Variants in YJU2B observed in about 807,000 individuals in gnomAD.
YJU2B encodes the protein probable splicing factor YJU2B.
Under a neutral mutation model 38.0 loss-of-function variants are expected in YJU2B, and 18 were observed. That is an observed-to-expected ratio of 0.47 (90% CI 0.33 to 0.70). The LOEUF (loss-of-function observed/expected upper bound fraction) is 0.70, where lower values mean the gene tolerates loss of function less well. Among genes scored for constraint, YJU2B ranks in the 30% least tolerant of loss-of-function variants. YJU2B has a pLI of 0.02. For missense variants in YJU2B, 538 were observed against 556.3 expected (o/e 0.97, Z 0.33); for synonymous variants, 246 against 225.4 (o/e 1.09, Z -0.82).
At chr19:13,743,948 C>G (rs968139368), upstream of YJU2B, among the ~76,000 whole-genome samples, 2 of 151,966 alleles carry the variant, frequency 1.3e-5, no homozygotes, top group African/African-American at 4.8e-5. Flanking sequence ...AATCCCAACA[C>G]TTTGGGAGGC....
chr19:13,763,265 C>G lies in YJU2B; in HGVS notation c.*197C>G, dbSNP rs1207277795. The stretch of plus-strand genomic sequence containing the variant: ...GAGGGTGTTTGTGCCTTGTGAGACT[C>G]CGTACATTAAAGACCTGTCTCTTCT... On this transcript the variant is annotated 3_prime_UTR_variant, in exon 10 of 10. Coordinates refer to ENST00000221554, the MANE Select transcript of YJU2B (RefSeq NM_030818.4). 7 of 538,914 alleles carry G rather than the reference C, an allele frequency of 1.3e-5. No individual in the cohort carries two copies. Among genetic ancestry groups the G allele is most frequent in the Non-Finnish European group, 2.3e-5 (7 of 307,986 alleles). The allele number at this position is 538,914 out of a possible 1,614,324, so 33.4% of individuals were successfully genotyped here.
chr19:13,756,054 C>T, intron 3 of YJU2B, 143 bp from the exon 4 acceptor site: 1 of 680,764 alleles, frequency 1.5e-6, no homozygotes. Context: ...CCCCCTATTG[C>T]TATGAACACC....
At chr19:13,749,508 C>G (rs564517752) in intron 1 of YJU2B, among the ~76,000 whole-genome samples, 2 of 152,200 alleles carry the variant, frequency 1.3e-5, no homozygotes, top group Non-Finnish European at 2.9e-5. Flanking sequence ...CAGAGATAAT[C>G]TGGCCTAAAA....
chr19:13,733,435 G>A (rs548100810), intron 2 of YJU2B, among the ~76,000 whole-genome samples: 5 of 151,972 alleles, frequency 3.3e-5, no homozygotes, highest in African/African-American at 4.8e-5. Context: ...CTCATTAGAC[G>A]CCATAGCCAG....
upstream of YJU2B, among the ~76,000 whole-genome samples, chr19:13,744,715 C>T (rs1375971449): frequency 2.6e-5 from 4 of 151,950 alleles, no homozygotes; most frequent in Admixed American, 1.3e-4. Flanking sequence ...GGGGTTAGGC[C>T]GGGCGCAGTG....
At chr19:13,747,605 G>A (rs910176512), upstream of YJU2B, among the ~76,000 whole-genome samples, 1 of 152,238 alleles carries the variant, frequency 6.6e-6, no homozygotes. Context: ...CAAGTAGCTG[G>A]GACTACAGGG....
At chr19:13,760,330 G>A (rs1235395321) in intron 8 of YJU2B, among the ~76,000 whole-genome samples, 2 of 152,188 alleles carry the variant, frequency 1.3e-5, no homozygotes, top group African/African-American at 4.8e-5. Context: ...CTCATAGGCG[G>A]TGGCTTCTAG....
upstream of YJU2B, among the ~76,000 whole-genome samples, chr19:13,745,708 T>TAGAGATAG (rs58419018): frequency 1.8e-5 from 1 of 56,360 alleles, no homozygotes; most frequent in African/African-American, 6.3e-5. Flanking sequence ...TATATAGATA[T>TAGAGATAG]CTATAGATCT....
chr19:13,743,147 G>GTTTTTTTTTTTTTTTTTT (rs1568279357), upstream of YJU2B, among the ~76,000 whole-genome samples: 6 of 152,154 alleles, frequency 3.9e-5, no homozygotes, highest in African/African-American at 1.4e-4. Context: ...TGCAGGTGGG[G>GTTTTTTTTTTTTTTTTTT]GTTTTTTAAG....
chr19:13,739,954 G>A (rs978368001), intron 2 of YJU2B, among the ~76,000 whole-genome samples: 6 of 152,014 alleles, frequency 3.9e-5, no homozygotes, highest in African/African-American at 9.7e-5. Context: ...GTGTCCACGC[G>A]TTCTCATTGT....
At position 13,751,699 on chromosome 19, in the gene YJU2B, C is replaced by A; in HGVS notation, c.-110C>A. On this transcript the variant is annotated 5_prime_UTR_variant, in exon 2 of 10. It adds an upstream start codon to the 5' untranslated region. Transcript: ENST00000221554. The stretch of plus-strand genomic sequence containing the variant: ...GCCCACGACATCTTCGCAGGGAAGC[C>A]TGTGGACCCTCTGCCAGGCTCCACA... The A allele has an allele frequency of 8.5e-7, 1 of 1,173,860 alleles. No homozygotes were observed. The highest frequency in any genetic ancestry group is 1.3e-6 in the Non-Finnish European group (1 of 786,228). The allele number at this position is 1,173,860 out of a possible 1,614,324, so 72.7% of individuals were successfully genotyped here.
intron 6 of YJU2B, 58 bp from the exon 7 acceptor site, chr19:13,758,810 A>G: frequency 4.4e-6 from 7 of 1,585,754 alleles, no homozygotes; most frequent in South Asian, 1.1e-5. Context: ...CAGAGGCGAC[A>G]GGGCTGTCCT....
At chr19:13,738,190 T>G (rs1212683887) in intron 2 of YJU2B, among the ~76,000 whole-genome samples, 1 of 152,232 alleles carries the variant, frequency 6.6e-6, no homozygotes, top group Non-Finnish European at 1.5e-5. Flanking sequence ...ATGTCTGTTC[T>G]GGGAAGTTTC....
At chr19:13,740,329 A>G (rs976719889) in intron 2 of YJU2B, among the ~76,000 whole-genome samples, 2 of 151,932 alleles carry the variant, frequency 1.3e-5, no homozygotes, top group African/African-American at 4.8e-5. Flanking sequence ...TTTCCACCTC[A>G]GCCTCTTGAG....
rs945976002 is a variant in YJU2B, at chr19:13,762,688, G to A, written c.811G>A (p.Val271Ile). 6.2e-7 allele frequency: 1 copy of A among 1,602,558 alleles called. No homozygotes were observed. The highest frequency in any genetic ancestry group is 1.7e-5 in the Admixed American group (1 of 59,622). Residue 271 changes from valine to isoleucine, a missense_variant, in exon 10 of 10, where the codon GTC becomes ATC. Coordinates refer to ENST00000221554, the MANE Select transcript of YJU2B (RefSeq NM_030818.4). ...CGCCTCCAGCAGCAAGGTCAGCGGCGTCCTGAAGAAGCTGGCACAGAGCCG... is the reference window on the plus strand; with the variant it reads ...CGCCTCCAGCAGCAAGGTCAGCGGCATCCTGAAGAAGCTGGCACAGAGCCG... ...GSASSSKVSG[V>I]LKKLAQSRRT...
Position 13,757,798 on chromosome 19 carries a change from AT to A in YJU2B, c.210del (p.Asn70LysfsTer20). 6.2e-7 allele frequency: 1 copy of A among 1,614,026 alleles called. No individual in the cohort carries two copies. The highest frequency in any genetic ancestry group is 8.5e-7 in the Non-Finnish European group (1 of 1,179,960). ...GACCCCCTTCCAGGTGTTCGTTACA[AT>A]GCAGAAAAGAAGAAGGTGGGCAATT... Reference protein sequence around the residue: ...KNHIGMGVRYNAEKKKVGNYY... With the variant: ...KNHIGMGVRYXAEKKKVGNYY... On this transcript the variant is annotated frameshift_variant, in exon 6 of 10. Transcript: ENST00000221554. LOFTEE classifies it high-confidence loss of function.
intron 3 of YJU2B, among the ~76,000 whole-genome samples, chr19:13,754,734 T>G (rs1973598659): frequency 6.6e-6 from 1 of 152,204 alleles, no homozygotes; most frequent in Non-Finnish European, 1.5e-5. Flanking sequence ...AGGTCCTCCC[T>G]GACCACTGTC....
chr19:13,738,093 C>T (rs921089501), intron 2 of YJU2B, among the ~76,000 whole-genome samples: 1 of 152,122 alleles, frequency 6.6e-6, no homozygotes, highest in Non-Finnish European at 1.5e-5. Context: ...AATGTTTCTC[C>T]TCAACTGAAA....
At chr19:13,754,202 A>C in intron 2 of YJU2B, 87 bp from the exon 3 acceptor site, 2 of 1,087,542 alleles carry the variant, frequency 1.8e-6, no homozygotes, top group East Asian at 2.4e-5. Flanking sequence ...AAAAATCAGA[A>C]AAAATTTTTT....
Sources: allele counts gnomAD v4.1 joint callset (sites outside exome capture counted in the v4.1 genomes callset), GRCh38; gene constraint gnomAD v4.1.1; transcripts MANE v1.5; gene names NCBI Gene and HGNC (gene_info 2026-07-23, HGNC 2026-07-21).